The following CNTN4 variants were observed in gnomAD, a reference collection of about 807,000 sequenced individuals.
The protein encoded by CNTN4 is contactin 4.
Under a neutral mutation model 122.5 loss-of-function variants are expected in CNTN4, and 77 were observed. The ratio of observed to expected loss-of-function variants is 0.63; its 90% CI spans 0.52 to 0.76. The LOEUF (loss-of-function observed/expected upper bound fraction) is 0.76, where lower values mean the gene tolerates loss of function less well. Among genes scored for constraint, CNTN4 ranks in the 30% least tolerant of loss-of-function variants. CNTN4 has a pLI of 0.00. For synonymous variants in CNTN4, 512 were observed against 447.0 expected (o/e 1.15, Z -1.83); for missense variants, 1,256 against 1,259.1 (o/e 1.00, Z 0.04).
intron 2 of CNTN4, among the ~76,000 whole-genome samples, chr3:2,205,663 C>G (rs1267952187): frequency 1.3e-5 from 2 of 152,120 alleles, no homozygotes; most frequent in African/African-American, 2.4e-5. Flanking sequence ...GACAAGGGTG[C>G]TCATGCAATT....
intron 10 of CNTN4, among the ~76,000 whole-genome samples, chr3:2,890,739 C>A (rs1321170841): frequency 6.6e-6 from 1 of 152,174 alleles, no homozygotes; most frequent in East Asian, 1.9e-4. Context: ...CTTTAAGTTA[C>A]CCTGTGCTAC....
chr3:3,042,447 G>A, intron 21 of CNTN4, 25 bp downstream of exon 21: 1 of 1,446,750 alleles, frequency 6.9e-7, no homozygotes, highest in Admixed American at 1.7e-5. Flanking sequence ...TGTGCCTTGG[G>A]TCTGAAAGAG....
intron 3 of CNTN4, among the ~76,000 whole-genome samples, chr3:2,371,520 C>T (rs928803746): frequency 1.3e-5 from 2 of 152,064 alleles, no homozygotes; most frequent in Non-Finnish European, 2.9e-5. Context: ...CGATTTTGTC[C>T]GTATCGTTCA....
At chr3:2,280,027 A>G (rs1486121642) in intron 2 of CNTN4, among the ~76,000 whole-genome samples, 1 of 147,620 alleles carries the variant, frequency 6.8e-6, no homozygotes, top group Non-Finnish European at 1.5e-5. Context: ...ATATATCTAT[A>G]TAGTATGTTT....
chr3:2,414,483 ATGTT>A (rs1372828064), intron 3 of CNTN4, among the ~76,000 whole-genome samples: 1 of 152,206 alleles, frequency 6.6e-6, no homozygotes, highest in Non-Finnish European at 1.5e-5. Context: ...TCTCAATAAA[ATGTT>A]AATTGTGTAG....
At chr3:2,655,803 C>A (rs1198281364) in intron 4 of CNTN4, among the ~76,000 whole-genome samples, 1 of 152,118 alleles carries the variant, frequency 6.6e-6, no homozygotes, top group African/African-American at 2.4e-5. Context: ...ATGAAACAAA[C>A]ATGGAAATCA....
chr3:2,227,230 A>G lies in CNTN4; in HGVS notation c.-144-111948A>G, dbSNP rs138200805. Among the ~76,000 whole-genome samples, 87 of 152,292 alleles carry G rather than the reference A, an allele frequency of 5.7e-4. 1 individual carries two copies. The East Asian group carries it at 0.017, about 29-fold the overall frequency. On this transcript the variant is annotated intron_variant, in intron 2 of 24. Transcript: ENST00000418658. ...TTCTATTATTTATCTTTACATTCCT[A>G]TATTTTCACTTTTCATTGTAAATAC...
chr3:2,202,298 G>T (rs1420159105), intron 2 of CNTN4, among the ~76,000 whole-genome samples: 3 of 152,148 alleles, frequency 2.0e-5, no homozygotes, highest in African/African-American at 7.2e-5. Flanking sequence ...AAAGTAGCAG[G>T]ATAATCAGCT....
At chr3:2,231,132 A>G (rs971902446) in intron 2 of CNTN4, among the ~76,000 whole-genome samples, 11 of 152,216 alleles carry the variant, frequency 7.2e-5, no homozygotes, top group Non-Finnish European at 1.3e-4. Flanking sequence ...GTCAAAAAAT[A>G]TTATCATTCA....
chr3:3,017,038 A>G (rs993925824), intron 14 of CNTN4, among the ~76,000 whole-genome samples: 1 of 152,194 alleles, frequency 6.6e-6, no homozygotes, highest in South Asian at 2.1e-4. Flanking sequence ...TGAATCGATG[A>G]AAAACCTTGA....
intron 24 of CNTN4, among the ~76,000 whole-genome samples, chr3:3,055,017 A>G (rs1414665243): frequency 6.6e-6 from 1 of 152,156 alleles, no homozygotes; most frequent in African/African-American, 2.4e-5. Flanking sequence ...AATCCTCACC[A>G]CCATCCTGAC....
intron 3 of CNTN4, among the ~76,000 whole-genome samples, chr3:2,514,129 C>T (rs1056954176): frequency 3.3e-5 from 5 of 152,126 alleles, no homozygotes; most frequent in Non-Finnish European, 5.9e-5. Flanking sequence ...AGTTAAATCT[C>T]CTTGCATTCT....
chr3:2,574,329 G>A lies in CNTN4; in HGVS notation c.55+2771G>A, dbSNP rs548240405. Among the ~76,000 whole-genome samples, 13 of 152,158 alleles carry A rather than the reference G, an allele frequency of 8.5e-5. No homozygotes were observed. In the South Asian group the frequency reaches 2.7e-3, roughly 32 times the overall value. The stretch of plus-strand genomic sequence containing the variant: ...GCTGAGGTTTCTTGGTGAGTTTTTG[G>A]TAAGGGATATGTTTACAGCTGTTAT... On this transcript the variant is annotated intron_variant, in intron 4 of 24. Transcript: ENST00000418658.
At chr3:2,643,493 G>C (rs114455291) in intron 4 of CNTN4, among the ~76,000 whole-genome samples, 3 of 152,064 alleles carry the variant, frequency 2.0e-5, no homozygotes, top group African/African-American at 7.2e-5. Flanking sequence ...ATTGAACGAC[G>C]TTCACTAGTC....
chr3:2,622,070 G>A (rs943899262), intron 4 of CNTN4, among the ~76,000 whole-genome samples: 3 of 152,132 alleles, frequency 2.0e-5, no homozygotes, highest in African/African-American at 7.2e-5. Flanking sequence ...TTCCATCTCT[G>A]TTTTAAATGT....
chr3:2,618,793 TAAAAC>T (rs1041928353), intron 4 of CNTN4, among the ~76,000 whole-genome samples: 1 of 152,232 alleles, frequency 6.6e-6, no homozygotes, highest in Non-Finnish European at 1.5e-5. Flanking sequence ...TCCAATCTAA[TAAAAC>T]AATTTGTGTC....
At chr3:2,288,529 G>C (rs1197186352) in intron 2 of CNTN4, among the ~76,000 whole-genome samples, 1 of 151,986 alleles carries the variant, frequency 6.6e-6, no homozygotes, top group African/African-American at 2.4e-5. Flanking sequence ...ATTGAGGATC[G>C]GATTCAACAT....
intron 3 of CNTN4, among the ~76,000 whole-genome samples, chr3:2,481,098 T>C (rs569614076): frequency 1.3e-5 from 2 of 151,318 alleles, no homozygotes; most frequent in African/African-American, 2.4e-5. Flanking sequence ...TCTTTCTTTC[T>C]TTCTTTCTCT....
At chr3:2,756,265 A>T (rs2090334252) in intron 6 of CNTN4, among the ~76,000 whole-genome samples, 1 of 152,194 alleles carries the variant, frequency 6.6e-6, no homozygotes, top group African/African-American at 2.4e-5. Context: ...GTGTGATCAT[A>T]TGAGGAGGTG....
Sources: allele counts gnomAD v4.1 joint callset (sites outside exome capture counted in the v4.1 genomes callset), GRCh38; gene constraint gnomAD v4.1.1; transcripts MANE v1.5; gene names NCBI Gene and HGNC (gene_info 2026-07-23, HGNC 2026-07-21).